The following SYT16 variants were observed in gnomAD, a reference collection of about 807,000 sequenced individuals.
SYT16 encodes the protein synaptotagmin-16.
SYT16 carries 42 observed loss-of-function variants against 61.4 expected under a neutral mutation model. The ratio of observed to expected loss-of-function variants is 0.68; its 90% CI spans 0.53 to 0.89. The LOEUF (loss-of-function observed/expected upper bound fraction) is 0.89. SYT16 is among the 40% of genes least tolerant of loss of function. The pLI, the probability that SYT16 is intolerant of heterozygous loss-of-function variation, is 0.00. For synonymous variants in SYT16, 314 were observed against 302.3 expected (o/e 1.04, Z -0.40); for missense variants, 804 against 807.3 (o/e 1.00, Z 0.05).
chr14:62,061,485 G>C (rs1038878045), intron 3 of SYT16, among the ~76,000 whole-genome samples: 1 of 152,046 alleles, frequency 6.6e-6, no homozygotes, highest in African/African-American at 2.4e-5. Flanking sequence ...AGACCCAACT[G>C]TATTATAGCT....
chr14:61,901,082 G>A (rs148033774), intron 1 of SYT16, among the ~76,000 whole-genome samples: 8 of 152,234 alleles, frequency 5.3e-5, no homozygotes, highest in East Asian at 3.9e-4. Flanking sequence ...CCTCCTCCTC[G>A]TGATTCAGCC....
At chr14:61,924,750 C>T (rs991340225) in intron 1 of SYT16, among the ~76,000 whole-genome samples, 2 of 152,102 alleles carry the variant, frequency 1.3e-5, no homozygotes, top group African/African-American at 4.8e-5. Flanking sequence ...ATGAACAGTA[C>T]CTAATACAAA....
chr14:61,903,677 A>C (rs217651), intron 1 of SYT16, among the ~76,000 whole-genome samples: 138,435 of 152,230 alleles, frequency 0.91, 63,079 homozygotes, highest in East Asian at 0.98. Flanking sequence ...TTTGACTGGG[A>C]TGGAAACTGG....
At chr14:61,997,196 G>A (rs1319053421) in intron 3 of SYT16, among the ~76,000 whole-genome samples, 1 of 152,050 alleles carries the variant, frequency 6.6e-6, no homozygotes, top group Non-Finnish European at 1.5e-5. Flanking sequence ...AAGTAGCTGA[G>A]GTGTGTTCCA....
intron 3 of SYT16, among the ~76,000 whole-genome samples, chr14:62,052,266 A>T (rs1027150797): frequency 6.6e-6 from 1 of 152,082 alleles, no homozygotes; most frequent in Non-Finnish European, 1.5e-5. Context: ...ATGATATGTG[A>T]TGTGTTCATT....
rs934239073 is a variant in SYT16, at chr14:62,048,681, T to C, written c.524-20922T>C. On this transcript the variant is annotated intron_variant, in intron 3 of 7. Transcript: ENST00000683842. ...CAGAGATTCTGGTATGTCGTGTCTT[T>C]GTTCTTGTTGGTTTCAAAGAACATC... Among the ~76,000 whole-genome samples the C allele has an allele frequency of 5.9e-5, 9 of 152,354 alleles. No homozygotes were observed. In the East Asian group the frequency reaches 1.7e-3, roughly 29 times the overall value.
chr14:61,933,574 T>G (rs184172210), intron 1 of SYT16, among the ~76,000 whole-genome samples: 3 of 152,108 alleles, frequency 2.0e-5, no homozygotes, highest in African/African-American at 7.2e-5. Flanking sequence ...CTTTTCAGAG[T>G]TGAGCTGTTC....
At chr14:62,084,507 C>A in intron 7 of SYT16, 122 bp downstream of exon 7, 2 of 1,115,138 alleles carry the variant, frequency 1.8e-6, no homozygotes, top group Non-Finnish European at 1.2e-6. Context: ...CTTAAGCAAG[C>A]TTTCACAAAG....
intron 1 of SYT16, among the ~76,000 whole-genome samples, chr14:61,941,410 A>G (rs2050204271): frequency 6.6e-6 from 1 of 152,314 alleles, no homozygotes; most frequent in South Asian, 2.1e-4. Flanking sequence ...GCCTTGGGGA[A>G]GGGTGACAGT....
chr14:61,971,962 T>A (rs2051579933), intron 2 of SYT16, among the ~76,000 whole-genome samples: 1 of 152,176 alleles, frequency 6.6e-6, no homozygotes, highest in African/African-American at 2.4e-5. Flanking sequence ...GGTATGAAGG[T>A]AGGATTCATC....
At chr14:62,072,887 G>A (rs1274268038) in intron 4 of SYT16, among the ~76,000 whole-genome samples, 3 of 152,150 alleles carry the variant, frequency 2.0e-5, no homozygotes, top group African/African-American at 7.2e-5. Flanking sequence ...GAATTTCTCT[G>A]TTAAAATAAA....
intron 1 of SYT16, among the ~76,000 whole-genome samples, chr14:61,960,830 C>G (rs1049557289): frequency 6.6e-6 from 1 of 151,864 alleles, no homozygotes; most frequent in Non-Finnish European, 1.5e-5. Context: ...GATGTTGGGA[C>G]AGAACTGGGA....
At chr14:61,938,001 C>A (rs1418195045) in intron 1 of SYT16, among the ~76,000 whole-genome samples, 1 of 143,936 alleles carries the variant, frequency 6.9e-6, no homozygotes, top group Non-Finnish European at 1.5e-5. Context: ...GAGGCCTCTT[C>A]TGTTGCCCCA....
At chr14:62,001,168 T>A (rs2052999645) in intron 3 of SYT16, among the ~76,000 whole-genome samples, 1 of 152,158 alleles carries the variant, frequency 6.6e-6, no homozygotes, top group African/African-American at 2.4e-5. Context: ...TTATGAATTA[T>A]CTCAACTTTT....
At chr14:61,827,274 A>G (rs948666259) in intron 1 of SYT16, among the ~76,000 whole-genome samples, 13 of 152,108 alleles carry the variant, frequency 8.5e-5, no homozygotes, top group Admixed American at 2.0e-4. Flanking sequence ...GGCACCTACA[A>G]TGACAGAACC....
intron 3 of SYT16, among the ~76,000 whole-genome samples, chr14:62,002,193 A>G (rs1262057671): frequency 1.3e-5 from 2 of 151,840 alleles, no homozygotes; most frequent in African/African-American, 2.4e-5. Flanking sequence ...TTTGCCTGGA[A>G]GTGAGCAAAT....
intron 1 of SYT16, among the ~76,000 whole-genome samples, chr14:61,867,778 A>C (rs2047204988): frequency 6.6e-6 from 1 of 152,094 alleles, no homozygotes; most frequent in Non-Finnish European, 1.5e-5. Context: ...TTTACCATTA[A>C]GTCTGCTGTT....
chr14:61,913,476 T>C (rs554235299), intron 1 of SYT16, among the ~76,000 whole-genome samples: 27 of 152,320 alleles, frequency 1.8e-4, no homozygotes, highest in African/African-American at 6.3e-4. Context: ...AAAAAATTAA[T>C]ATCATGTAAG....
chr14:62,045,722 A>G (rs35438176), intron 3 of SYT16, among the ~76,000 whole-genome samples: 8 of 151,476 alleles, frequency 5.3e-5, no homozygotes, highest in African/African-American at 1.7e-4. Flanking sequence ...TTGTCCTTGC[A>G]ATAGTTTGCT....
Sources: gnomAD v4.1 joint callset for allele counts (sites outside exome capture counted in the v4.1 genomes callset) on GRCh38, gnomAD v4.1.1 for gene constraint, MANE v1.5 for transcripts, NCBI Gene and HGNC (gene_info 2026-07-23, HGNC 2026-07-21) for gene names.